The following ESR1 variants were observed in gnomAD, a reference collection of about 807,000 sequenced individuals.
ESR1 encodes the protein estrogen receptor.
Under a neutral mutation model 52.7 loss-of-function variants are expected in ESR1, and 12 were observed. The observed-to-expected ratio is 0.23, with a 90% CI of 0.15 to 0.37. ESR1 has a LOEUF of 0.37. ESR1 is among the 10% of genes least tolerant of loss of function. ESR1 has a pLI of 1.00. For missense variants in ESR1, 584 were observed against 779.7 expected (o/e 0.75, Z 2.99); for synonymous variants, 305 against 316.8 (o/e 0.96, Z 0.39).
At chr6:151,941,889 A>T (rs143263822) in intron 3 of ESR1, among the ~76,000 whole-genome samples, 19 of 152,340 alleles carry the variant, frequency 1.2e-4, no homozygotes, top group Middle Eastern at 3.4e-3. Flanking sequence ...TATGCAGAAC[A>T]ACCCATCTAC....
intron 1 of ESR1, among the ~76,000 whole-genome samples, chr6:151,823,034 A>T (rs182216710): frequency 1.3e-5 from 2 of 152,376 alleles, no homozygotes; most frequent in East Asian, 3.9e-4. Flanking sequence ...CAGATAAAAC[A>T]GGATGCCCAG....
At chr6:152,026,226 T>G (rs2044136827) in intron 5 of ESR1, among the ~76,000 whole-genome samples, 1 of 152,058 alleles carries the variant, frequency 6.6e-6, no homozygotes, top group African/African-American at 2.4e-5. Context: ...CTATTTATCT[T>G]CTTATAATTT....
chr6:151,765,522 C>T (rs1162714670), intron 2 of ESR1, among the ~76,000 whole-genome samples: 1 of 152,172 alleles, frequency 6.6e-6, no homozygotes, highest in Non-Finnish European at 1.5e-5. Context: ...GTGTTACTCT[C>T]GTTAGCCATG....
chr6:152,078,849 G>A (rs747479439), intron 6 of ESR1, among the ~76,000 whole-genome samples: 27 of 152,232 alleles, frequency 1.8e-4, no homozygotes, highest in African/African-American at 5.5e-4. Context: ...TGGGTCACAC[G>A]CCCATGGAGA....
intron 5 of ESR1, among the ~76,000 whole-genome samples, chr6:152,021,264 T>C (rs1157247735): frequency 6.6e-6 from 1 of 152,154 alleles, no homozygotes; most frequent in African/African-American, 2.4e-5. Context: ...CTTTCTACCA[T>C]GCTGAATGCT....
chr6:151,806,530 GTATATATATATATATATA>G (rs56020486), upstream of ESR1, among the ~76,000 whole-genome samples: 6 of 96,468 alleles, frequency 6.2e-5, no homozygotes, highest in African/African-American at 2.0e-4. Flanking sequence ...TCCTTAATAT[GTATATATATATATATATA>G]TATATATATA....
chr6:151,819,003 T>A (rs572165846), intron 1 of ESR1, among the ~76,000 whole-genome samples: 2 of 152,290 alleles, frequency 1.3e-5, no homozygotes, highest in Non-Finnish European at 2.9e-5. Context: ...TAACTATTAC[T>A]CCAAGAAGCT....
Position 152,053,438 on chromosome 6 carries a change from T to C in ESR1, c.1236-7553T>C, listed in dbSNP as rs547769275. Among the ~76,000 whole-genome samples, 14 of 151,752 alleles carry C rather than the reference T, an allele frequency of 9.2e-5. No homozygotes were observed. Among genetic ancestry groups the C allele is most frequent in the African/African-American group, 3.4e-4 (14 of 41,342 alleles). On this transcript the variant is annotated intron_variant, in intron 5 of 7. Coordinates refer to ENST00000206249, the MANE Select transcript of ESR1 (RefSeq NM_000125.4). The surrounding 1 kb of genome is among the most constrained non-coding windows in gnomAD (Gnocchi z 4.1). Reference sequence around the variant, plus strand: ...TGTCTCTCCCTCTCTCTTTCAATCTTTCTCTCCCTCAGTCTCTCTTTCTCT... The same window carrying C: ...TGTCTCTCCCTCTCTCTTTCAATCTCTCTCTCCCTCAGTCTCTCTTTCTCT...
At chr6:151,828,743 C>T (rs945682598) in intron 1 of ESR1, among the ~76,000 whole-genome samples, 13 of 152,188 alleles carry the variant, frequency 8.5e-5, no homozygotes, top group Admixed American at 4.6e-4. Flanking sequence ...CACACATCAA[C>T]CCAATCCTCT....
Position 151,748,127 on chromosome 6 carries a change from A to T in ESR1, c.-71+46122A>T, listed in dbSNP as rs548051748. 3.3e-5 allele frequency among the ~76,000 whole-genome samples: 5 copies of T among 152,346 alleles called. No individual in the cohort carries two copies. In the East Asian group the frequency reaches 9.6e-4, roughly 29 times the overall value. ...CCAATTTCCCTACACTGTCATGTAC[A>T]CTTGCTATTATCTGTTTTGTCATAA... On this transcript the variant is annotated intron_variant, in intron 2 of 2. Coordinates refer to the ESR1 transcript ENST00000404742.
In ESR1 at chr6:152,042,250, T is replaced by C. The variant is rs148681464; in HGVS notation, c.1236-18741T>C. On this transcript the variant is annotated intron_variant, in intron 5 of 7. Transcript: ENST00000206249. ...TTCTGCCAGCTGCTAAATATGTCTATGCCAATTATGCATTCTGGCACTAGG... is the reference window on the plus strand; with the variant it reads ...TTCTGCCAGCTGCTAAATATGTCTACGCCAATTATGCATTCTGGCACTAGG... 5.9e-5 allele frequency among the ~76,000 whole-genome samples: 9 copies of C among 152,334 alleles called. No homozygotes were observed. The East Asian group carries it at 1.7e-3, about 29-fold the overall frequency.
intron 3 of ESR1, among the ~76,000 whole-genome samples, chr6:151,904,793 G>T (rs1312354697): frequency 6.6e-6 from 1 of 152,070 alleles, no homozygotes; most frequent in Non-Finnish European, 1.5e-5. Flanking sequence ...TGAACATGTG[G>T]AATTGATTCG....
upstream of ESR1, among the ~76,000 whole-genome samples, chr6:151,687,549 AAC>A (rs1778737797): frequency 6.6e-6 from 1 of 152,180 alleles, no homozygotes; most frequent in Non-Finnish European, 1.5e-5. Flanking sequence ...GGCAGATAAA[AAC>A]ACACAGTCCA....
intron 3 of ESR1, among the ~76,000 whole-genome samples, chr6:151,894,414 T>A (rs1444345710): frequency 6.6e-6 from 1 of 152,206 alleles, no homozygotes; most frequent in Non-Finnish European, 1.5e-5. Flanking sequence ...TATTTATCTT[T>A]GTTTTTGTTG....
rs2046858378 is a variant in ESR1 at position 152,053,554 on chromosome 6, CTCTT to C, written c.1236-7433_1236-7430del. On this transcript the variant is annotated intron_variant, in intron 5 of 7. Transcript: ENST00000206249. The surrounding 1 kb of genome is among the most constrained non-coding windows in gnomAD (Gnocchi z 4.1). ...TCTCTCTTCCTCTCTCTCTTATCCT[CTCTT>C]TCTCTCAATCCCTCTCTCCCTCTTT... Among the ~76,000 whole-genome samples, 1 of 151,718 alleles carries C rather than the reference CTCTT, an allele frequency of 6.6e-6. No homozygotes were observed. The highest frequency in any genetic ancestry group is 1.5e-5 in the Non-Finnish European group (1 of 67,922).
intron 5 of ESR1, among the ~76,000 whole-genome samples, chr6:152,042,718 T>G (rs2045910387): frequency 6.6e-6 from 1 of 152,226 alleles, no homozygotes; most frequent in Admixed American, 6.5e-5. Flanking sequence ...GGAAGTTTTC[T>G]GCTTATATAA....
intron 2 of ESR1, among the ~76,000 whole-genome samples, chr6:151,750,486 A>AAGG (rs1783821128): frequency 6.6e-6 from 1 of 152,162 alleles, no homozygotes; most frequent in South Asian, 2.1e-4. Context: ...ACTGGTGAGC[A>AAGG]AGGAGCCTAA....
At chr6:151,699,644 A>G (rs1238122051) in intron 1 of ESR1, among the ~76,000 whole-genome samples, 4 of 152,240 alleles carry the variant, frequency 2.6e-5, no homozygotes, top group Non-Finnish European at 5.9e-5. Flanking sequence ...AGACTGCAGT[A>G]TTGAGTTCGT....
At chr6:151,688,903 T>C (rs1405593682), upstream of ESR1, among the ~76,000 whole-genome samples, 1 of 152,228 alleles carries the variant, frequency 6.6e-6, no homozygotes, top group Non-Finnish European at 1.5e-5. Flanking sequence ...AAGACATTTG[T>C]TGTCATTTTT....
Sources: allele counts gnomAD v4.1 joint callset (sites outside exome capture counted in the v4.1 genomes callset), GRCh38; gene constraint gnomAD v4.1.1; non-coding constraint Gnocchi (gnomAD v3.1); transcripts MANE v1.5; gene names NCBI Gene and HGNC (gene_info 2026-07-23, HGNC 2026-07-21).